STK17B: variants seen among roughly 807,000 people sequenced by gnomAD.
STK17B encodes serine/threonine-protein kinase 17B.
In STK17B, 21 loss-of-function variants were observed where a neutral mutation model predicts 42.0. The ratio of observed to expected loss-of-function variants is 0.50; its 90% CI spans 0.35 to 0.72. STK17B has a LOEUF of 0.72. Among genes scored for constraint, STK17B ranks in the 30% least tolerant of loss-of-function variants. STK17B has a pLI of 0.00. For missense variants in STK17B, 349 were observed against 446.0 expected, an observed-to-expected ratio of 0.78 and a Z score of 1.96; for synonymous variants, 143 against 148.4, an observed-to-expected ratio of 0.96 and a Z score of 0.26.
chr2:196,145,955 C>T lies in STK17B; in HGVS notation c.436G>A (p.Val146Ile), dbSNP rs758856381. 1 of 1,602,504 alleles carries T rather than the reference C, an allele frequency of 6.2e-7. No individual in the cohort carries two copies. Among genetic ancestry groups the T allele is most frequent in the Non-Finnish European group, 8.5e-7 (1 of 1,176,930 alleles). Residue 146 changes from valine to isoleucine, a missense_variant, in exon 4 of 8, where the codon GTT becomes ATT. Val to Ile is a conservative substitution (Grantham distance 29, BLOSUM62 3). Coordinates refer to ENST00000263955, the MANE Select transcript of STK17B (RefSeq NM_004226.4). ...ATGTTATTCTGATGTAGATAATAAA[C>T]TCCTTCAAGTATTTGTTTAATGAGT... ...IRLIKQILEG[V>I]YYLHQNNIVH...
rs1347260274 is a variant in STK17B, at chr2:196,135,648, T to G, written c.*1799A>C. The G allele has an allele frequency of 4.0e-5, 6 of 151,872 alleles. No homozygotes were observed. The highest frequency in any genetic ancestry group is 2.9e-5 in the Non-Finnish European group (2 of 68,052). 9.4% of individuals were successfully genotyped at this position (151,872 alleles called of 1,614,324 possible). ...CAAAAATTAGCTGGGCACGGTGGCA[T>G]GCGCCTGTAATCCCAACTACTCAGG... On this transcript the variant is annotated 3_prime_UTR_variant, in exon 8 of 8. Transcript: ENST00000263955.
chr2:196,167,530 C>T (rs1699888041), intron 1 of STK17B, among the ~76,000 whole-genome samples: 1 of 152,216 alleles, frequency 6.6e-6, no homozygotes, highest in Admixed American at 6.5e-5. Flanking sequence ...AATAAAGTAA[C>T]TATTTTAAAT....
chr2:196,164,041 TAAATA>T (rs1559416286), intron 1 of STK17B, among the ~76,000 whole-genome samples: 3 of 127,130 alleles, frequency 2.4e-5, no homozygotes, highest in African/African-American at 5.2e-5. Flanking sequence ...CTTATCTCAA[TAAATA>T]AATAAATAAA....
chr2:196,147,606 T>C (rs1036789817), intron 3 of STK17B, among the ~76,000 whole-genome samples: 7 of 151,006 alleles, frequency 4.6e-5, no homozygotes, highest in African/African-American at 1.7e-4. Context: ...CTTTACACTT[T>C]CTGACTTTGC....
chr2:196,143,560 CTAAA>C lies in STK17B; in HGVS notation c.603_606del (p.Tyr201Ter). On this transcript the variant is annotated frameshift_variant and splice_region_variant, in exon 5 of 8. Transcript: ENST00000263955. LOFTEE classifies it high-confidence loss of function. ...ATAGAAAATAAAAGGAAATTCTTAC[CTAAA>C]TATTCTGGTGTTCCCATGATTTCCC... 6.3e-7 allele frequency: 1 copy of C among 1,588,154 alleles called. No individual in the cohort carries two copies. Among genetic ancestry groups the C allele is most frequent in the Non-Finnish European group, 8.5e-7 (1 of 1,171,092 alleles).
intron 7 of STK17B, 143 bp downstream of exon 7, chr2:196,139,477 T>A: frequency 2.2e-6 from 1 of 448,618 alleles, no homozygotes; most frequent in Non-Finnish European, 3.5e-6. Context: ...TCATACCACC[T>A]ATTTTACCTA....
chr2:196,134,659 T>C lies in STK17B; in HGVS notation c.*2788A>G, dbSNP rs1699370945. The C allele has an allele frequency of 6.6e-6, 1 of 152,108 alleles. No homozygotes were observed. Among genetic ancestry groups the C allele is most frequent in the Admixed American group, 6.6e-5 (1 of 15,264 alleles). 9.4% of individuals were successfully genotyped at this position (152,108 alleles called of 1,614,324 possible). ...GCTAGGTTCTTTACTGTAGGGAAAA[T>C]AATTAAAATGACAATTGCAATTGTC... On this transcript the variant is annotated 3_prime_UTR_variant, in exon 8 of 8. Transcript: ENST00000263955.
At chr2:196,140,479 T>A (rs1450836288) in intron 6 of STK17B, among the ~76,000 whole-genome samples, 1 of 109,062 alleles carries the variant, frequency 9.2e-6, no homozygotes, top group African/African-American at 2.6e-5. Flanking sequence ...CTTGGCTAGC[T>A]ACAAAAACTC....
intron 3 of STK17B, chr2:196,156,231 T>C (rs997896315): frequency 9.5e-6 from 4 of 422,220 alleles, no homozygotes; most frequent in African/African-American, 8.1e-5. Context: ...ATTTGTCATT[T>C]GCTTATTCTG....
At chr2:196,148,591 A>C (rs1699615754) in intron 3 of STK17B, among the ~76,000 whole-genome samples, 1 of 152,192 alleles carries the variant, frequency 6.6e-6, no homozygotes. Flanking sequence ...AATCAGACCA[A>C]ATAACTTGAA....
chr2:196,147,655 G>A (rs950435693), intron 3 of STK17B, among the ~76,000 whole-genome samples: 2 of 152,032 alleles, frequency 1.3e-5, no homozygotes, highest in African/African-American at 2.4e-5. Flanking sequence ...AGGAATACAC[G>A]TGAAAGCTCC....
chr2:196,165,286 C>T lies in STK17B; in HGVS notation c.-44-1859G>A, dbSNP rs375848398. Among the ~76,000 whole-genome samples the T allele has an allele frequency of 1.9e-4, 29 of 152,284 alleles. No individual in the cohort carries two copies. The East Asian group carries it at 5.4e-3, about 28-fold the overall frequency. ...GGCAGGCCTCAGAAGAAACCAACCC[C>T]GCAGACACCCTGATCCCAGATTTCT... On this transcript the variant is annotated intron_variant, in intron 1 of 7. Coordinates refer to ENST00000263955, the MANE Select transcript of STK17B (RefSeq NM_004226.4).
At chr2:196,161,640 T>C (rs1398292603) in intron 2 of STK17B, among the ~76,000 whole-genome samples, 1 of 146,002 alleles carries the variant, frequency 6.8e-6, no homozygotes, top group African/African-American at 2.5e-5. Context: ...TGCCTCAGCC[T>C]CCTGAGTAGC....
rs147674346 is a variant in STK17B, at chr2:196,145,799, T to C, written c.480+112A>G. The C allele has an allele frequency of 4.2e-4, 466 of 1,097,618 alleles. 1 individual carries two copies. The African/African-American group carries it at 6.9e-3, about 16-fold the overall frequency. The allele number at this position is 1,097,618 out of a possible 1,614,324, so 68.0% of individuals were successfully genotyped here. On this transcript the variant is annotated intron_variant, in intron 4 of 7. Coordinates refer to ENST00000263955, the MANE Select transcript of STK17B (RefSeq NM_004226.4). ...AAGCAAAGAGCACACCAGTGCAGTC[T>C]AGAAGACCAGGAACCAACCATTGTT...
upstream of STK17B, among the ~76,000 whole-genome samples, chr2:196,172,832 C>A (rs1699964403): frequency 6.6e-6 from 1 of 152,092 alleles, no homozygotes; most frequent in East Asian, 1.9e-4. Context: ...AAATAAAATG[C>A]CACACACTGG....
intron 2 of STK17B, among the ~76,000 whole-genome samples, chr2:196,158,690 T>C (rs1230777241): frequency 6.6e-6 from 1 of 152,102 alleles, no homozygotes; most frequent in Non-Finnish European, 1.5e-5. Flanking sequence ...TCTGTTCTAA[T>C]CACTATAAAA....
Position 196,156,518 on chromosome 2 carries a change from A to G in STK17B, c.256T>C (p.Leu86=). 1 of 1,614,094 alleles carries G rather than the reference A, an allele frequency of 6.2e-7. No individual in the cohort carries two copies. Among genetic ancestry groups the G allele is most frequent in the South Asian group, 1.1e-5 (1 of 91,080 alleles). Residue 86 remains leucine, a synonymous_variant, in exon 3 of 8, where the codon TTG becomes CTG. Coordinates refer to ENST00000263955, the MANE Select transcript of STK17B (RefSeq NM_004226.4). ...EILHEIAVLE[L]AKSCPRVINL... ...ATAACACGGGGACAAGACTTTGCCA[A>G]TTCAAGCACAGCAATCTCGTGTAAA... is the stretch of plus-strand genomic sequence containing the variant.
rs66802894 is a variant in STK17B at position 196,135,777 on chromosome 2, C to CAAAAAAAAAAAAAAAAAAAAAAAAAAAAA, written c.*1669_*1670insTTTTTTTTTTTTTTTTTTTTTTTTTTTTT. 2 of 50,164 alleles carry CAAAAAAAAAAAAAAAAAAAAAAAAAAAAA rather than the reference C, an allele frequency of 4.0e-5. 1 individual carries two copies. Among genetic ancestry groups the CAAAAAAAAAAAAAAAAAAAAAAAAAAAAA allele is most frequent in the Non-Finnish European group, 6.6e-5 (2 of 30,170 alleles). 3.1% of individuals were successfully genotyped at this position (50,164 alleles called of 1,614,324 possible). A position where few individuals can be genotyped will look rare whatever the true frequency, so the allele number is the denominator to read the frequency against. ...TGAGAGACAGAGCAAAACTCCATCT[C>CAAAAAAAAAAAAAAAAAAAAAAAAAAAAA]AAAAAAAAAAAAAAAAAAAAAAAGC... is the stretch of plus-strand genomic sequence containing the variant. On this transcript the variant is annotated 3_prime_UTR_variant, in exon 8 of 8. Coordinates refer to ENST00000263955, the MANE Select transcript of STK17B (RefSeq NM_004226.4).
rs750475859 is a variant in STK17B, at chr2:196,143,674, A to G, written c.493T>C (p.Leu165=). ...CCGAGAGGGTATATGCTGCTCAGTA[A>G]TATATTCTGTGGCTAAACAAAGTAC... ...VHLDLKPQNI[L]LSSIYPLGDI... is the part of the protein sequence containing the mutation. Residue 165 remains leucine (L), a synonymous_variant, in exon 5 of 8, where the codon TTA becomes CTA. Coordinates refer to ENST00000263955, the MANE Select transcript of STK17B (RefSeq NM_004226.4). 3.3e-6 allele frequency: 5 copies of G among 1,538,370 alleles called. No homozygotes were observed. Among genetic ancestry groups the G allele is most frequent in the Non-Finnish European group, 4.4e-6 (5 of 1,145,158 alleles).
Sources: gnomAD v4.1 joint callset for allele counts (sites outside exome capture counted in the v4.1 genomes callset) on GRCh38, gnomAD v4.1.1 for gene constraint, MANE v1.5 for transcripts, NCBI Gene and HGNC (gene_info 2026-07-23, HGNC 2026-07-21) for gene names.